Variants in TUSC3 observed in about 807,000 individuals in gnomAD.
The protein encoded by TUSC3 is dolichyl-diphosphooligosaccharide--protein glycosyltransferase subunit TUSC3.
Under a neutral mutation model 44.8 loss-of-function variants are expected in TUSC3, and 45 were observed. That is an observed-to-expected ratio of 1.00 (90% CI 0.79 to 1.29). The LOEUF is 1.29. Ranked by LOEUF, TUSC3 falls within the 50% of genes most tolerant of loss-of-function variation. TUSC3 has a pLI of 0.00. For missense variants in TUSC3, 519 were observed against 437.9 expected, an observed-to-expected ratio of 1.19 and a Z score of -1.65; for synonymous variants, 212 against 152.9, an observed-to-expected ratio of 1.39 and a Z score of -2.85.
intron 5 of TUSC3, among the ~76,000 whole-genome samples, chr8:15,664,205 T>C (rs1807553080): frequency 6.6e-6 from 1 of 151,736 alleles, no homozygotes; most frequent in Non-Finnish European, 1.5e-5. Flanking sequence ...AGCTAGAATG[T>C]GATTGAACTG....
chr8:15,830,375 G>C, the TUSC3 span, among the ~76,000 whole-genome samples: 1 of 152,146 alleles, frequency 6.6e-6, no homozygotes, highest in East Asian at 1.9e-4. Context: ...ATGTCCAGAA[G>C]AGGATTTCCT....
At chr8:15,775,847 T>C in the TUSC3 span, among the ~76,000 whole-genome samples, 11 of 151,206 alleles carry the variant, frequency 7.3e-5, no homozygotes, top group South Asian at 1.3e-3. Flanking sequence ...TGGATTCTTT[T>C]TCCTGTTGTG....
chr8:15,671,463 C>G (rs1807943290), intron 5 of TUSC3, among the ~76,000 whole-genome samples: 1 of 151,930 alleles, frequency 6.6e-6, no homozygotes, highest in African/African-American at 2.4e-5. Flanking sequence ...GAAACCTAGG[C>G]TATTTTGCAT....
At chr8:15,472,842 A>T in intron 1 of TUSC3, among the ~76,000 whole-genome samples, 1 of 152,208 alleles carries the variant, frequency 6.6e-6, no homozygotes, top group East Asian at 1.9e-4. Context: ...TGTGGACATA[A>T]AGAGAATGAC....
chr8:15,682,262 A>T (rs1808457300), intron 6 of TUSC3, among the ~76,000 whole-genome samples: 1 of 152,142 alleles, frequency 6.6e-6, no homozygotes, highest in Admixed American at 6.6e-5. Flanking sequence ...GGGTCTCGAC[A>T]TTCCCCACTA....
At chr8:15,785,385 A>G in the TUSC3 span, among the ~76,000 whole-genome samples, 1 of 152,112 alleles carries the variant, frequency 6.6e-6, no homozygotes, top group Non-Finnish European at 1.5e-5. Flanking sequence ...GTCTTAGCCT[A>G]GATATCTTTA....
chr8:15,451,414 G>A (rs941031389), intron 1 of TUSC3, among the ~76,000 whole-genome samples: 3 of 152,078 alleles, frequency 2.0e-5, no homozygotes, highest in African/African-American at 4.8e-5. Context: ...AGGGGCTGAA[G>A]GGCGAGTTGA....
the TUSC3 span, among the ~76,000 whole-genome samples, chr8:15,844,359 G>A: frequency 1.3e-5 from 2 of 152,066 alleles, no homozygotes; most frequent in African/African-American, 4.8e-5. Flanking sequence ...AGTATCAAAG[G>A]ACAGAGCCTC....
At chr8:15,511,648 T>C (rs1801136666) in intron 2 of TUSC3, among the ~76,000 whole-genome samples, 1 of 152,122 alleles carries the variant, frequency 6.6e-6, no homozygotes, top group Non-Finnish European at 1.5e-5. Context: ...GATGGGCAGA[T>C]CACTTGAGGT....
At chr8:15,553,643 A>G (rs1802132544) in intron 1 of TUSC3, among the ~76,000 whole-genome samples, 1 of 151,740 alleles carries the variant, frequency 6.6e-6, no homozygotes, top group African/African-American at 2.4e-5. Flanking sequence ...GCTTCATTGC[A>G]GTGTTACAGT....
intron 1 of TUSC3, among the ~76,000 whole-genome samples, chr8:15,477,011 G>T (rs956221164): frequency 6.6e-6 from 1 of 152,178 alleles, no homozygotes; most frequent in African/African-American, 2.4e-5. Context: ...CAATGTGATT[G>T]GTTGTGGAAA....
chr8:15,517,805 A>G (rs1333485081), intron 2 of TUSC3, among the ~76,000 whole-genome samples: 1 of 152,032 alleles, frequency 6.6e-6, no homozygotes, highest in Non-Finnish European at 1.5e-5. Context: ...CAATGTTATC[A>G]TAAATAATGC....
rs539078875 is a variant in TUSC3, at chr8:15,670,545, C to T, written c.709-3202C>T. ...ACCTCCCACCATACACAAGAGGAAT[C>T]GTGAATCTAAAAGTAAAATGCGAAC... On this transcript the variant is annotated intron_variant, in intron 5 of 10. Transcript: ENST00000503731. 7.2e-5 allele frequency among the ~76,000 whole-genome samples: 11 copies of T among 151,836 alleles called. No individual in the cohort carries two copies. In the South Asian group the frequency reaches 1.0e-3, roughly 14 times the overall value.
At chr8:15,773,887 A>G in the TUSC3 span, among the ~76,000 whole-genome samples, 20 of 152,180 alleles carry the variant, frequency 1.3e-4, no homozygotes, top group African/African-American at 3.9e-4. Context: ...CACACTGTAT[A>G]CATAAAAGTA....
At chr8:15,562,170 G>T (rs1002028491) in intron 1 of TUSC3, among the ~76,000 whole-genome samples, 1 of 152,030 alleles carries the variant, frequency 6.6e-6, no homozygotes, top group African/African-American at 2.4e-5. Context: ...ACCTAGTTGG[G>T]GTATCACTAC....
intron 8 of TUSC3, among the ~76,000 whole-genome samples, chr8:15,745,616 T>C (rs1811382778): frequency 6.6e-6 from 1 of 152,010 alleles, no homozygotes; most frequent in Non-Finnish European, 1.5e-5. Context: ...GAAATACCTG[T>C]TCATATCCTT....
chr8:15,539,788 T>C (rs1028648749), upstream of TUSC3, among the ~76,000 whole-genome samples: 1 of 152,134 alleles, frequency 6.6e-6, no homozygotes, highest in Non-Finnish European at 1.5e-5. Flanking sequence ...AAGTGGAGTC[T>C]AGGTTGTGCC....
At chr8:15,486,158 A>G (rs1800729924) in intron 2 of TUSC3, among the ~76,000 whole-genome samples, 1 of 152,160 alleles carries the variant, frequency 6.6e-6, no homozygotes. Context: ...CAGACTTTGA[A>G]AGAAGTGACG....
chr8:15,434,238 TG>T (rs1262401258), intron 1 of TUSC3, among the ~76,000 whole-genome samples: 1 of 145,904 alleles, frequency 6.9e-6, no homozygotes, highest in Admixed American at 6.8e-5. Context: ...ATTTGTACAC[TG>T]TTTTTTTGTG....
Sources: allele counts gnomAD v4.1 joint callset (sites outside exome capture counted in the v4.1 genomes callset), GRCh38; gene constraint gnomAD v4.1.1; transcripts MANE v1.5; gene names NCBI Gene and HGNC (gene_info 2026-07-23, HGNC 2026-07-21).